The following CFAP299 variants were observed in gnomAD, a reference collection of about 807,000 sequenced individuals.
CFAP299 encodes the protein cilia- and flagella-associated protein 299.
Under a neutral mutation model 27.0 loss-of-function variants are expected in CFAP299, and 21 were observed. The ratio of observed to expected loss-of-function variants is 0.78; its 90% CI spans 0.55 to 1.12. The LOEUF is 1.12. Among genes scored for constraint, CFAP299 ranks in the 50% most tolerant of loss-of-function variants. The pLI is 0.00. For missense variants in CFAP299, 310 were observed against 276.6 expected (o/e 1.12, Z -0.86); for synonymous variants, 104 against 98.1 (o/e 1.06, Z -0.36).
chr4:80,417,362 G>A (rs1354340826), intron 2 of CFAP299, among the ~76,000 whole-genome samples: 3 of 152,130 alleles, frequency 2.0e-5, no homozygotes, highest in South Asian at 4.2e-4. Flanking sequence ...CTATCTCATT[G>A]TGTGGCTTAG....
intron 3 of CFAP299, among the ~76,000 whole-genome samples, chr4:80,664,530 G>C (rs1176525004): frequency 6.6e-6 from 1 of 152,172 alleles, no homozygotes; most frequent in African/African-American, 2.4e-5. Context: ...TTTACACTGT[G>C]AGTGGAAAAC....
intron 4 of CFAP299, among the ~76,000 whole-genome samples, chr4:80,940,076 G>A (rs77738632): frequency 0.022 from 3,318 of 152,164 alleles, 67 homozygotes; most frequent in South Asian, 0.08. Flanking sequence ...TCTCAGCAGC[G>A]CACATAGAAT....
chr4:80,936,106 G>A (rs1736873466), intron 4 of CFAP299, among the ~76,000 whole-genome samples: 1 of 152,064 alleles, frequency 6.6e-6, no homozygotes. Flanking sequence ...ACTTTTAATG[G>A]CAAAAACATA....
intron 2 of CFAP299, chr4:80,386,336 G>A: frequency 7.3e-7 from 1 of 1,376,162 alleles, no homozygotes; most frequent in Non-Finnish European, 1.0e-6. Context: ...CCACGACGAT[G>A]GAAAGCTCCG....
At chr4:80,479,990 G>A (rs1730471740) in intron 2 of CFAP299, among the ~76,000 whole-genome samples, 1 of 151,798 alleles carries the variant, frequency 6.6e-6, no homozygotes, top group Admixed American at 6.6e-5. Flanking sequence ...TTGTATTCAA[G>A]TTTTTTTTAA....
At chr4:80,650,548 A>C (rs553717219) in intron 3 of CFAP299, among the ~76,000 whole-genome samples, 1 of 152,272 alleles carries the variant, frequency 6.6e-6, no homozygotes, top group South Asian at 2.1e-4. Flanking sequence ...AACTTTTTAA[A>C]GAGTCTCTAA....
intron 2 of CFAP299, among the ~76,000 whole-genome samples, chr4:80,564,250 C>A (rs1255501820): frequency 6.6e-6 from 1 of 151,934 alleles, no homozygotes; most frequent in East Asian, 1.9e-4. Flanking sequence ...AGACAAATAT[C>A]TCTCATGAAT....
chr4:80,362,594 GT>G lies in CFAP299; in HGVS notation c.112-153del, dbSNP rs536548330. On this transcript the variant is annotated intron_variant, in intron 1 of 5. Coordinates refer to ENST00000358105, the MANE Select transcript of CFAP299 (RefSeq NM_152770.3). Reference sequence around the variant, plus strand: ...TAAATGTATTATTAGAAAAATTCTAGTTTTTTTATATCTAATAGATCATGTC... The same window carrying G: ...TAAATGTATTATTAGAAAAATTCTAGTTTTTTATATCTAATAGATCATGTC... 6.3e-3 allele frequency among the ~76,000 whole-genome samples: 951 copies of G among 151,384 alleles called. 2 individuals are homozygous for G. The highest frequency in any genetic ancestry group is 0.024 in the Middle Eastern group (7 of 292).
intron 3 of CFAP299, among the ~76,000 whole-genome samples, chr4:80,747,538 C>T (rs1197480989): frequency 1.3e-5 from 2 of 152,006 alleles, no homozygotes; most frequent in Non-Finnish European, 2.9e-5. Flanking sequence ...ACCTTGTGGT[C>T]AGCAACAGAC....
intron 3 of CFAP299, among the ~76,000 whole-genome samples, chr4:80,757,906 C>G (rs554444986): frequency 2.6e-5 from 4 of 152,128 alleles, no homozygotes; most frequent in Non-Finnish European, 5.9e-5. Flanking sequence ...TGTTCTACCC[C>G]TTGCGGGAGG....
intron 3 of CFAP299, among the ~76,000 whole-genome samples, chr4:80,818,911 G>A (rs1403137206): frequency 6.6e-6 from 1 of 152,068 alleles, no homozygotes. Context: ...TAAGCTGAGA[G>A]TATCTTGGAA....
At chr4:80,372,396 C>T (rs1724190017) in intron 2 of CFAP299, among the ~76,000 whole-genome samples, 1 of 152,206 alleles carries the variant, frequency 6.6e-6, no homozygotes, top group South Asian at 2.1e-4. Context: ...GGTCGGGATG[C>T]AACTTTGTAT....
At chr4:80,589,593 A>G (rs1736619575) in intron 3 of CFAP299, among the ~76,000 whole-genome samples, 1 of 152,198 alleles carries the variant, frequency 6.6e-6, no homozygotes, top group Non-Finnish European at 1.5e-5. Context: ...ACTTAAAAAG[A>G]ATTTTTACTA....
chr4:80,818,867 AAC>A (rs1356060457), intron 3 of CFAP299, among the ~76,000 whole-genome samples: 2 of 152,162 alleles, frequency 1.3e-5, no homozygotes, highest in African/African-American at 4.8e-5. Flanking sequence ...TAGAATCAGA[AAC>A]ACCTAACTTA....
At chr4:80,822,347 T>C (rs1172467526) in intron 3 of CFAP299, among the ~76,000 whole-genome samples, 1 of 152,194 alleles carries the variant, frequency 6.6e-6, no homozygotes, top group Non-Finnish European at 1.5e-5. Flanking sequence ...AATTCACGTT[T>C]GAAATATTTT....
At position 80,630,540 on chromosome 4, in the gene CFAP299, CATT is replaced by C. The variant is rs1261776539; in HGVS notation, c.333+47360_333+47362del. Among the ~76,000 whole-genome samples the C allele has an allele frequency of 1.3e-4, 19 of 151,818 alleles. No individual in the cohort carries two copies. In the East Asian group the frequency reaches 2.9e-3, roughly 23 times the overall value. On this transcript the variant is annotated intron_variant, in intron 3 of 5. Transcript: ENST00000358105. Reference sequence around the variant, plus strand: ...ATTATAAAATGTTGATTTTATGAAACATTATGTTTTTATAATATCGTAGAAAAT... The same window carrying C: ...ATTATAAAATGTTGATTTTATGAAACATGTTTTTATAATATCGTAGAAAAT...
At chr4:80,718,844 A>G (rs189376764) in intron 3 of CFAP299, among the ~76,000 whole-genome samples, 1 of 152,158 alleles carries the variant, frequency 6.6e-6, no homozygotes, top group Non-Finnish European at 1.5e-5. Flanking sequence ...CCAATGACAT[A>G]TATTTAAACA....
chr4:80,959,451 C>G (rs983819439), intron 5 of CFAP299, among the ~76,000 whole-genome samples: 11 of 151,312 alleles, frequency 7.3e-5, no homozygotes, highest in Admixed American at 4.0e-4. Context: ...GAAATATTTC[C>G]AAGAATTACA....
At chr4:80,402,774 A>G (rs773754721) in intron 2 of CFAP299, among the ~76,000 whole-genome samples, 4 of 152,238 alleles carry the variant, frequency 2.6e-5, no homozygotes, top group Admixed American at 6.5e-5. Flanking sequence ...TAGACAATAT[A>G]TAATCTATCT....
Sources: allele counts gnomAD v4.1 joint callset (sites outside exome capture counted in the v4.1 genomes callset), GRCh38; gene constraint gnomAD v4.1.1; transcripts MANE v1.5; gene names NCBI Gene and HGNC (gene_info 2026-07-23, HGNC 2026-07-21).